The following ARSH variants were observed in gnomAD, a reference collection of about 807,000 sequenced individuals.
The protein encoded by ARSH is arylsulfatase family member H.
In ARSH, 32 loss-of-function variants were observed where a neutral mutation model predicts 28.7. That is an observed-to-expected ratio of 1.11 (90% CI 0.84 to 1.50). ARSH has a LOEUF of 1.50. Ranked by LOEUF, ARSH falls within the 40% of genes most tolerant of loss-of-function variation. ARSH has a pLI of 0.00. For missense variants in ARSH, 440 were observed against 452.4 expected, an observed-to-expected ratio of 0.97 and a Z score of 0.25; for synonymous variants, 176 against 177.3, an observed-to-expected ratio of 0.99 and a Z score of 0.06.
chrX:3,028,220 A>AT (rs762995464), intron 7 of ARSH, among the ~76,000 whole-genome samples: 1 of 110,603 alleles, frequency 9.0e-6, no homozygotes, highest in Non-Finnish European at 1.9e-5. Context: ...ATTTAAATTT[A>AT]TTTTTTTTGA....
intron 1 of ARSH, among the ~76,000 whole-genome samples, chrX:3,009,382 G>A (rs2089839959): frequency 9.0e-6 from 1 of 111,317 alleles, no homozygotes; most frequent in African/African-American, 3.3e-5. Context: ...TGAGGCAGGA[G>A]GATCACTTGA....
intron 5 of ARSH, among the ~76,000 whole-genome samples, chrX:3,021,707 C>CTTTTT (rs3032483): frequency 1.1e-5 from 1 of 90,235 alleles, no homozygotes; most frequent in African/African-American, 4.1e-5. Flanking sequence ...ACTTTTAGTC[C>CTTTTT]TTTTTTTTTT....
intron 6 of ARSH, among the ~76,000 whole-genome samples, chrX:3,024,511 A>G (rs923402850): frequency 1.8e-5 from 2 of 110,663 alleles, no homozygotes; most frequent in Non-Finnish European, 3.8e-5. Context: ...CCACCCACAC[A>G]TGCCAGTAGC....
At chrX:3,025,808 G>C (rs2089897477) in intron 6 of ARSH, among the ~76,000 whole-genome samples, 1 of 110,265 alleles carries the variant, frequency 9.1e-6, no homozygotes, top group South Asian at 3.8e-4. Flanking sequence ...TCTAACAACT[G>C]TACCTATTAT....
At chrX:3,015,991 T>C (rs969443983) in intron 4 of ARSH, among the ~76,000 whole-genome samples, 4 of 109,556 alleles carry the variant, frequency 3.7e-5, no homozygotes, top group Non-Finnish European at 5.7e-5. Context: ...CCTCCCCATT[T>C]TTAATGTTTT....
At chrX:3,031,583 G>A (rs1369700576) in intron 8 of ARSH, among the ~76,000 whole-genome samples, 1 of 111,201 alleles carries the variant, frequency 9.0e-6, no homozygotes, top group African/African-American at 3.3e-5. Context: ...GTGGTGTGAT[G>A]TATCTTCATT....
chrX:3,009,797 C>A (rs2089841179), intron 1 of ARSH, among the ~76,000 whole-genome samples: 1 of 111,574 alleles, frequency 9.0e-6, no homozygotes, highest in Admixed American at 9.6e-5. Flanking sequence ...TACCGAGTGA[C>A]CTGTATTCAT....
chrX:3,012,675 G>C lies in ARSH; in HGVS notation c.215-372G>C, dbSNP rs57345811. Among the ~76,000 whole-genome samples the C allele has an allele frequency of 5.7e-4, 52 of 91,137 alleles. 3 individuals are homozygous for C. The South Asian group carries it at 0.024, about 42-fold the overall frequency. 79.1% of individuals were successfully genotyped at this position (91,137 alleles called of 115,157 possible). A position where few individuals can be genotyped will look rare whatever the true frequency, so the allele number is the denominator to read the frequency against. Reference sequence around the variant, plus strand: ...GTCACTCCTACACTTCTTCATTTCAGATTCTCAAGGATACTTTTAAAAATG... The same window carrying C: ...GTCACTCCTACACTTCTTCATTTCACATTCTCAAGGATACTTTTAAAAATG... On this transcript the variant is annotated intron_variant, in intron 2 of 8. Transcript: ENST00000381130.
intron 5 of ARSH, 48 bp from the exon 6 acceptor site, chrX:3,023,973 T>C (rs964699831): frequency 4.2e-6 from 5 of 1,199,393 alleles, no homozygotes; most frequent in Non-Finnish European, 5.6e-6. Context: ...AAAGCAGTGG[T>C]GATCTGCATC....
intron 6 of ARSH, among the ~76,000 whole-genome samples, chrX:3,026,617 G>A (rs7876301): frequency 0.13 from 14,116 of 111,031 alleles, 866 homozygotes; most frequent in African/African-American, 0.23. Context: ...TGTAACAACC[G>A]CCTCAGTCTC....
Position 3,033,511 on chromosome X carries a change from C to A in ARSH, c.*126C>A. ...ATGGCCCAACCCATTGTTTTATCCTCAGAAATCAGTTCTTTCAAGAGCTCG... is the reference window on the plus strand; with the variant it reads ...ATGGCCCAACCCATTGTTTTATCCTAAGAAATCAGTTCTTTCAAGAGCTCG... On this transcript the variant is annotated 3_prime_UTR_variant, in exon 9 of 9. Transcript: ENST00000381130. 1 of 749,248 alleles carries A rather than the reference C, an allele frequency of 1.3e-6. No homozygotes were observed. Among genetic ancestry groups the A allele is most frequent in the Non-Finnish European group, 1.8e-6 (1 of 542,763 alleles). The allele number at this position is 749,248 out of a possible 1,213,427, so 61.7% of individuals were successfully genotyped here. A position where few individuals can be genotyped will look rare whatever the true frequency, so the allele number is the denominator to read the frequency against.
chrX:3,010,277 T>C, intron 2 of ARSH, 126 bp downstream of exon 2: 2 of 910,924 alleles, frequency 2.2e-6, no homozygotes, highest in Non-Finnish European at 3.0e-6. Context: ...AATTCAAAGG[T>C]GGTTGTTATC....
intron 2 of ARSH, among the ~76,000 whole-genome samples, chrX:3,010,691 C>T (rs771000752): frequency 2.7e-5 from 3 of 112,147 alleles, no homozygotes; most frequent in Non-Finnish European, 5.6e-5. Context: ...AGGATCAATA[C>T]CTACAAACAT....
chrX:3,012,638 G>C (rs2089854138), intron 2 of ARSH, among the ~76,000 whole-genome samples: 1 of 66,141 alleles, frequency 1.5e-5, no homozygotes, highest in Non-Finnish European at 2.6e-5. Flanking sequence ...ACACACATAT[G>C]AAAAAGAAAT....
rs2089841900 is a variant in ARSH, at chrX:3,010,029, G to C, written c.93-1G>C. On this transcript the variant is annotated splice_acceptor_variant, in intron 1 of 8. Coordinates refer to ENST00000381130, the MANE Select transcript of ARSH (RefSeq NM_001011719.2). LOFTEE classifies it high-confidence loss of function. ...CTGCTGAATTCTTCTTTGGTCTGCA[G>C]CACACCTAATATTGACCGCCTGGCA... The C allele has an allele frequency of 5.0e-6, 6 of 1,210,237 alleles. No homozygotes were observed. The highest frequency in any genetic ancestry group is 6.7e-6 in the Non-Finnish European group (6 of 894,574).
At chrX:3,020,514 G>A (rs571725459) in intron 5 of ARSH, among the ~76,000 whole-genome samples, 14 of 102,480 alleles carry the variant, frequency 1.4e-4, no homozygotes, top group East Asian at 9.1e-4. Context: ...GCGTGAACCT[G>A]GGAGGCGGAG....
At chrX:3,026,175 AAT>A (rs1256680324) in intron 6 of ARSH, among the ~76,000 whole-genome samples, 1 of 111,085 alleles carries the variant, frequency 9.0e-6, no homozygotes, top group Non-Finnish European at 1.9e-5. Flanking sequence ...TTTTTCTTAT[AAT>A]AAAGAATGGT....
chrX:3,021,895 G>GTGTGTGTGTGTT (rs2147458242), intron 5 of ARSH, among the ~76,000 whole-genome samples: 1 of 107,200 alleles, frequency 9.3e-6, no homozygotes, highest in South Asian at 4.2e-4. Flanking sequence ...GTGTGTGTGT[G>GTGTGTGTGTGTT]TGTGTGTGTG....
chrX:3,024,185 C>G (rs775741142), intron 6 of ARSH, 30 bp downstream of exon 6: 1 of 1,125,606 alleles, frequency 8.9e-7, no homozygotes, highest in East Asian at 3.2e-5. Flanking sequence ...CAACGCCTGT[C>G]CATTTTAAAT....
Sources: allele counts gnomAD v4.1 joint callset (sites outside exome capture counted in the v4.1 genomes callset), GRCh38; gene constraint gnomAD v4.1.1; transcripts MANE v1.5; gene names NCBI Gene and HGNC (gene_info 2026-07-23, HGNC 2026-07-21).